The following SLIT3 variants were observed in gnomAD, a reference collection of about 807,000 sequenced individuals.
SLIT3 encodes the protein slit guidance ligand 3, also known as slit homolog 3 protein.
In SLIT3, 68 loss-of-function variants were observed where a neutral mutation model predicts 184.0. The observed-to-expected ratio is 0.37, with a 90% CI of 0.30 to 0.45. The LOEUF is 0.45. Ranked by LOEUF, SLIT3 falls within the 20% of genes least tolerant of loss-of-function variation. The pLI is 1.00. For synonymous variants in SLIT3, 831 were observed against 828.6 expected (o/e 1.00, Z -0.05); for missense variants, 1,707 against 2,026.0 (o/e 0.84, Z 3.02).
At position 168,676,162 on chromosome 5, in the gene SLIT3, C is replaced by CA. The variant is rs1761403578; in HGVS notation, c.3687-2832_3687-2831insT. ...ACCCACCTACTTATTTATCTACTCT[C>CA]TTCCATCCATCCATCCATCCATCCA... On this transcript the variant is annotated intron_variant, in intron 32 of 35. Coordinates refer to ENST00000519560, the MANE Select transcript of SLIT3 (RefSeq NM_003062.4). 2.2e-5 allele frequency among the ~76,000 whole-genome samples: 3 copies of CA among 136,198 alleles called. No homozygotes were observed. The Admixed American group carries it at 2.3e-4, about 11-fold the overall frequency. 89.4% of individuals were successfully genotyped at this position (136,198 alleles called of 152,430 possible).
At chr5:169,166,494 T>C (rs927940352) in intron 4 of SLIT3, among the ~76,000 whole-genome samples, 2 of 152,030 alleles carry the variant, frequency 1.3e-5, no homozygotes, top group Non-Finnish European at 2.9e-5. Flanking sequence ...TAGTGAGACC[T>C]CATTATAATG....
intron 4 of SLIT3, among the ~76,000 whole-genome samples, chr5:169,002,312 G>T (rs1240311677): frequency 5.5e-5 from 4 of 72,520 alleles, no homozygotes; most frequent in Non-Finnish European, 7.1e-5. Context: ...AACAGAACGA[G>T]ACTCTGTCTC....
intron 1 of SLIT3, among the ~76,000 whole-genome samples, chr5:169,289,960 C>T (rs1363470383): frequency 6.6e-6 from 1 of 151,972 alleles, no homozygotes; most frequent in East Asian, 1.9e-4. Context: ...TACGCTAAGG[C>T]ACACACTAGG....
intron 20 of SLIT3, among the ~76,000 whole-genome samples, chr5:168,747,138 T>A: frequency 6.6e-6 from 1 of 152,058 alleles, no homozygotes; most frequent in Non-Finnish European, 1.5e-5. Context: ...GAGCACTGCC[T>A]CCTCCCTCCT....
intron 4 of SLIT3, among the ~76,000 whole-genome samples, chr5:169,002,322 CAAAAAAAAAAAAAAAAAAAAA>C (rs397999882): frequency 2.1e-4 from 5 of 24,198 alleles, no homozygotes; most frequent in African/African-American, 4.2e-4. Context: ...GACTCTGTCT[CAAAAAAAAAAAAAAAAAAAAA>C]AAAAAAAAAA....
At chr5:168,842,390 CT>C (rs36178262) in intron 6 of SLIT3, among the ~76,000 whole-genome samples, 20,548 of 141,374 alleles carry the variant, frequency 0.15, 1,821 homozygotes, top group South Asian at 0.27. Flanking sequence ...GGAATGAGAA[CT>C]TTTTTTTTTT....
At chr5:168,741,478 CAAAA>C (rs3061744) in intron 20 of SLIT3, among the ~76,000 whole-genome samples, 3 of 81,586 alleles carry the variant, frequency 3.7e-5, no homozygotes, top group African/African-American at 5.1e-5. Context: ...GACTCGGTCT[CAAAA>C]AAAAAAAAAA....
chr5:168,876,407 A>G (rs1759731371), intron 5 of SLIT3, among the ~76,000 whole-genome samples: 1 of 152,100 alleles, frequency 6.6e-6, no homozygotes, highest in African/African-American at 2.4e-5. Flanking sequence ...TCTATGGATC[A>G]TGGGGTTCTA....
At chr5:168,756,960 CAGA>C (rs141631669) in intron 16 of SLIT3, among the ~76,000 whole-genome samples, 6,183 of 152,164 alleles carry the variant, frequency 0.041, 181 homozygotes, top group East Asian at 0.062. Flanking sequence ...GAATGGAAAA[CAGA>C]AGGAGAGTAA....
chr5:169,025,191 T>G (rs1756768125), intron 4 of SLIT3, among the ~76,000 whole-genome samples: 1 of 152,164 alleles, frequency 6.6e-6, no homozygotes, highest in Admixed American at 6.5e-5. Flanking sequence ...GAGAGGGGAT[T>G]AAAATACATA....
At position 168,666,648 on chromosome 5, in the gene SLIT3, G is replaced by A. The variant is rs142603158; in HGVS notation, c.4378C>T (p.Arg1460Cys). The part of the protein sequence containing the change: ...LGQVVREVIR[R>C]QKGYASCATA... ...GCACATGATGCATAACCTTTCTGGCGGCGGATCACCTCTCGGACTACTTGT... is the reference window on the plus strand; with the variant it reads ...GCACATGATGCATAACCTTTCTGGCAGCGGATCACCTCTCGGACTACTTGT... Residue 1460 changes from arginine to cysteine, a missense_variant, in exon 36 of 36, where the codon CGC becomes TGC. Transcript: ENST00000519560. The A allele has an allele frequency of 6.8e-5, 109 of 1,614,050 alleles. No individual in the cohort carries two copies. The highest frequency in any genetic ancestry group is 4.9e-4 in the African/African-American group (37 of 74,916).
At chr5:169,027,145 T>C (rs943824370) in intron 4 of SLIT3, among the ~76,000 whole-genome samples, 25 of 152,276 alleles carry the variant, frequency 1.6e-4, no homozygotes, top group Non-Finnish European at 2.8e-4. Flanking sequence ...TCATGTGCCC[T>C]GGGGTTCAGT....
At position 168,950,771 on chromosome 5, in the gene SLIT3, T is replaced by G. The variant is rs184726956; in HGVS notation, c.414-67435A>C. Among the ~76,000 whole-genome samples the G allele has an allele frequency of 7.2e-5, 11 of 152,344 alleles. No individual in the cohort carries two copies. In the East Asian group the frequency reaches 2.1e-3, roughly 29 times the overall value. On this transcript the variant is annotated intron_variant, in intron 4 of 35. Coordinates refer to ENST00000519560, the MANE Select transcript of SLIT3 (RefSeq NM_003062.4). ...AGGTCTGAAGAGCAGATTCATGTTTTTACCTCAGACTCACCCTGCACATAC... is the reference window on the plus strand; with the variant it reads ...AGGTCTGAAGAGCAGATTCATGTTTGTACCTCAGACTCACCCTGCACATAC...
Position 168,666,363 on chromosome 5 carries a change from T to TCCTTCATGCTGAATC in SLIT3, c.*76_*90dup. 8.0e-7 allele frequency: 1 copy of TCCTTCATGCTGAATC among 1,256,320 alleles called. No homozygotes were observed. Among genetic ancestry groups the TCCTTCATGCTGAATC allele is most frequent in the Non-Finnish European group, 1.1e-6 (1 of 944,508 alleles). The allele number at this position is 1,256,320 out of a possible 1,614,324, so 77.8% of individuals were successfully genotyped here. A position where few individuals can be genotyped will look rare whatever the true frequency, so the allele number is the denominator to read the frequency against. On this transcript the variant is annotated 3_prime_UTR_variant, in exon 36 of 36. Transcript: ENST00000519560. ...CTTTACCTTCCTCTCCAGCTTCATT[T>TCCTTCATGCTGAATC]CCTTCATGCTGAATCACCAGGGGGT...
intron 18 of SLIT3, 75 bp downstream of exon 18, chr5:168,752,880 G>T: frequency 7.0e-7 from 1 of 1,424,254 alleles, no homozygotes; most frequent in Non-Finnish European, 9.8e-7. Flanking sequence ...GCTAGAGGTA[G>T]CAGGGAGCTG....
chr5:168,795,736 A>G (rs984234930), intron 9 of SLIT3, among the ~76,000 whole-genome samples, 158 bp from the exon 10 acceptor site: 1 of 152,172 alleles, frequency 6.6e-6, no homozygotes, highest in Non-Finnish European at 1.5e-5. Context: ...TGCAGCAGTC[A>G]GAGAACTCAG....
At chr5:169,263,080 C>T (rs1215222924) in intron 1 of SLIT3, among the ~76,000 whole-genome samples, 1 of 152,126 alleles carries the variant, frequency 6.6e-6, no homozygotes, top group African/African-American at 2.4e-5. Context: ...GTGGCTCACA[C>T]CTATAATCCC....
intron 26 of SLIT3, 84 bp from the exon 27 acceptor site, chr5:168,700,763 T>C (rs1762190835): frequency 2.1e-6 from 2 of 973,430 alleles, no homozygotes; most frequent in Non-Finnish European, 3.3e-6. Flanking sequence ...GGTTCCAGCA[T>C]TCTCTGTGAT....
chr5:169,098,661 C>T (rs1270849522), intron 4 of SLIT3, among the ~76,000 whole-genome samples: 2 of 152,164 alleles, frequency 1.3e-5, no homozygotes, highest in South Asian at 4.1e-4. Context: ...CATTGATGTG[C>T]CCACCTACAA....
Sources: allele counts gnomAD v4.1 joint callset (sites outside exome capture counted in the v4.1 genomes callset), GRCh38; gene constraint gnomAD v4.1.1; transcripts MANE v1.5; gene names NCBI Gene and HGNC (gene_info 2026-07-23, HGNC 2026-07-21).